PREP: variants seen among roughly 807,000 people sequenced by gnomAD.
PREP encodes the protein prolyl endopeptidase.
A neutral mutation model predicts 87.6 loss-of-function variants in PREP; 29 were observed. The ratio of observed to expected loss-of-function variants is 0.33; its 90% CI spans 0.25 to 0.45. PREP has a LOEUF of 0.45. PREP is among the 20% of genes least tolerant of loss of function. The probability of loss-of-function intolerance (pLI) is 1.00; values close to 1 mark genes in which losing one functional copy is unlikely to be tolerated. For synonymous variants in PREP, 337 were observed against 328.6 expected (o/e 1.03, Z -0.28); for missense variants, 695 against 886.5 (o/e 0.78, Z 2.74).
At chr6:105,313,438 G>A (rs916868642) in intron 10 of PREP, among the ~76,000 whole-genome samples, 2 of 152,180 alleles carry the variant, frequency 1.3e-5, no homozygotes, top group African/African-American at 4.8e-5. Context: ...AGTTTTGCTG[G>A]CAAACTAAAA....
chr6:105,385,832 A>G (rs1024901351), intron 2 of PREP, among the ~76,000 whole-genome samples: 3 of 152,180 alleles, frequency 2.0e-5, no homozygotes, highest in Non-Finnish European at 4.4e-5. Flanking sequence ...AAACACGACC[A>G]ATTGTCAGAC....
At position 105,402,947 on chromosome 6, in the gene PREP, G is replaced by C. The variant is rs984793695; in HGVS notation, c.-56C>G. ...GGGCGCGGGCTCCGGGAGCGGACCT[G>C]AGCTAGCCGGGCTGGCCGCGAGGCG... is the stretch of plus-strand genomic sequence containing the variant. On this transcript the variant is annotated 5_prime_UTR_variant, in exon 1 of 15. Transcript: ENST00000652536. 130 of 1,065,416 alleles carry C rather than the reference G, an allele frequency of 1.2e-4. No individual in the cohort carries two copies. The highest frequency in any genetic ancestry group is 7.7e-5 in the Non-Finnish European group (61 of 789,554). The allele number at this position is 1,065,416 out of a possible 1,614,324, so 66.0% of individuals were successfully genotyped here.
At chr6:105,350,844 T>C (rs1207107233) in intron 7 of PREP, among the ~76,000 whole-genome samples, 3 of 152,192 alleles carry the variant, frequency 2.0e-5, no homozygotes, top group African/African-American at 4.8e-5. Flanking sequence ...AGAAAAAAGA[T>C]AACGGGCTCA....
intron 6 of PREP, among the ~76,000 whole-genome samples, chr6:105,360,934 C>A (rs188136077): frequency 3.9e-5 from 6 of 152,136 alleles, no homozygotes; most frequent in Admixed American, 3.9e-4. Context: ...TTTACACACA[C>A]ACATACATAT....
intron 1 of PREP, among the ~76,000 whole-genome samples, chr6:105,402,269 C>T (rs559231158): frequency 6.6e-6 from 1 of 152,314 alleles, no homozygotes; most frequent in South Asian, 2.1e-4. Flanking sequence ...CTGTCCGGGT[C>T]TCTGGCATCC....
chr6:105,386,038 T>C (rs1394390809), intron 2 of PREP, among the ~76,000 whole-genome samples: 2 of 152,192 alleles, frequency 1.3e-5, no homozygotes, highest in African/African-American at 4.8e-5. Flanking sequence ...GAGAATTGCC[T>C]GAACCAGGGA....
At chr6:105,399,704 G>C (rs1773375514) in intron 1 of PREP, among the ~76,000 whole-genome samples, 3 of 152,122 alleles carry the variant, frequency 2.0e-5, no homozygotes, top group African/African-American at 7.2e-5. Flanking sequence ...TATAAAATAG[G>C]CTTAAAATAA....
intron 2 of PREP, among the ~76,000 whole-genome samples, chr6:105,386,410 T>C (rs770868973): frequency 1.3e-5 from 2 of 152,098 alleles, no homozygotes; most frequent in Non-Finnish European, 2.9e-5. Context: ...AGAGCGCAAG[T>C]AGAAAGTCAT....
In PREP at chr6:105,277,139, C is replaced by T. The variant is rs1350372350; in HGVS notation, c.*1005G>A. Among the ~76,000 whole-genome samples the T allele has an allele frequency of 6.8e-6, 1 of 147,222 alleles. No homozygotes were observed. Among genetic ancestry groups the T allele is most frequent in the Non-Finnish European group, 1.5e-5 (1 of 67,128 alleles). ...TTAAGGAATAGTATATCTTAAAAAT[C>T]TTGGGGGTGGGCAAACCAAAACTTT... On this transcript the variant is annotated 3_prime_UTR_variant, in exon 15 of 15. Coordinates refer to ENST00000652536, the MANE Select transcript of PREP (RefSeq NM_002726.5).
At chr6:105,289,740 C>T (rs549719131) in intron 10 of PREP, among the ~76,000 whole-genome samples, 2 of 152,288 alleles carry the variant, frequency 1.3e-5, no homozygotes, top group Admixed American at 1.3e-4. Flanking sequence ...GAATAGCTTT[C>T]TCTTTGTGTA....
chr6:105,307,822 A>G (rs1337159935), intron 10 of PREP, among the ~76,000 whole-genome samples: 5 of 152,180 alleles, frequency 3.3e-5, no homozygotes, highest in Admixed American at 6.5e-5. Context: ...CATGTTGACC[A>G]GGCTGGTCTT....
intron 2 of PREP, among the ~76,000 whole-genome samples, chr6:105,383,314 C>CA (rs1387129491): frequency 6.7e-6 from 1 of 149,074 alleles, no homozygotes; most frequent in East Asian, 2.0e-4. Context: ...TTACAAAAAT[C>CA]AGCAGCCCAT....
At position 105,277,956 on chromosome 6, in the gene PREP, C is replaced by G; in HGVS notation, c.*188G>C. The G allele has an allele frequency of 1.2e-6, 1 of 835,122 alleles. No individual in the cohort carries two copies. The highest frequency in any genetic ancestry group is 1.9e-6 in the Non-Finnish European group (1 of 537,002). 51.7% of individuals were successfully genotyped at this position (835,122 alleles called of 1,614,324 possible). A position where few individuals can be genotyped will look rare whatever the true frequency, so the allele number is the denominator to read the frequency against. On this transcript the variant is annotated 3_prime_UTR_variant, in exon 15 of 15. Coordinates refer to ENST00000652536, the MANE Select transcript of PREP (RefSeq NM_002726.5). ...CCTAGACAGGGTGGAAAAAGAAACA[C>G]CAAGGCCTTGCTAAAAAGGAGAAGC... is the stretch of plus-strand genomic sequence containing the variant.
intron 10 of PREP, among the ~76,000 whole-genome samples, chr6:105,317,555 A>G (rs1441121176): frequency 1.3e-5 from 2 of 152,206 alleles, no homozygotes; most frequent in Non-Finnish European, 2.9e-5. Flanking sequence ...CCTAGGAAAA[A>G]GCAAAGGAGG....
intron 6 of PREP, among the ~76,000 whole-genome samples, chr6:105,361,774 C>T (rs1772252696): frequency 6.6e-6 from 1 of 152,178 alleles, no homozygotes; most frequent in Non-Finnish European, 1.5e-5. Context: ...ATTTTTCTAA[C>T]ACTTAGGAAA....
At chr6:105,355,879 G>A (rs1034395199) in intron 6 of PREP, among the ~76,000 whole-genome samples, 1 of 151,778 alleles carries the variant, frequency 6.6e-6, no homozygotes, top group Admixed American at 6.6e-5. Flanking sequence ...TTTCATCTCA[G>A]AGTTTTATTT....
chr6:105,379,956 A>G (rs1329416878), intron 2 of PREP, among the ~76,000 whole-genome samples: 1 of 152,256 alleles, frequency 6.6e-6, no homozygotes, highest in African/African-American at 2.4e-5. Context: ...TGTTGGCCTG[A>G]ACTGTTTGCT....
chr6:105,331,561 A>C (rs193203064), intron 8 of PREP, among the ~76,000 whole-genome samples: 6 of 152,314 alleles, frequency 3.9e-5, no homozygotes, highest in Non-Finnish European at 2.9e-5. Flanking sequence ...TGGATGCAGC[A>C]ACGCATGAGG....
chr6:105,342,824 G>A (rs1241819168), intron 7 of PREP, among the ~76,000 whole-genome samples: 2 of 152,216 alleles, frequency 1.3e-5, no homozygotes, highest in Admixed American at 1.3e-4. Flanking sequence ...ACTTACAAGG[G>A]ATGTGAAGGA....
Sources: gnomAD v4.1 joint callset for allele counts (sites outside exome capture counted in the v4.1 genomes callset) on GRCh38, gnomAD v4.1.1 for gene constraint, MANE v1.5 for transcripts, NCBI Gene and HGNC (gene_info 2026-07-23, HGNC 2026-07-21) for gene names.